The following KLHL31 variants were observed in gnomAD, a reference collection of about 807,000 sequenced individuals.
KLHL31 encodes kelch like family member 31.
KLHL31 carries 32 observed loss-of-function variants against 47.1 expected under a neutral mutation model. The observed-to-expected ratio is 0.68, with a 90% CI of 0.51 to 0.91. KLHL31 has a LOEUF of 0.91. Ranked by LOEUF, KLHL31 falls within the 40% of genes least tolerant of loss-of-function variation. The pLI is 0.00. For missense variants in KLHL31, 797 were observed against 819.3 expected (o/e 0.97, Z 0.33); for synonymous variants, 330 against 325.1 (o/e 1.01, Z -0.16).
chr6:53,664,323 G>T (rs1764688509), intron 1 of KLHL31, among the ~76,000 whole-genome samples: 1 of 152,166 alleles, frequency 6.6e-6, no homozygotes, highest in African/African-American at 2.4e-5. Flanking sequence ...ACTTGTATCT[G>T]GCATTCCTGA....
chr6:53,658,973 CT>C (rs773338878), intron 1 of KLHL31, among the ~76,000 whole-genome samples: 45 of 152,316 alleles, frequency 3.0e-4, no homozygotes, highest in Non-Finnish European at 5.7e-4. Flanking sequence ...ATAATAGTGC[CT>C]GCCTCTAGGT....
chr6:53,654,704 G>C lies in KLHL31; in HGVS notation c.569C>G (p.Ala190Gly). ...GTTATCCCGAATAAATTTCTGGGCT[G>C]CTGCTTTTGCATTTTTTAGGGAGTA... The part of the protein sequence containing the change: ...ETYSLKNAKA[A>G]AQKFIRDNFL... Residue 190 changes from alanine (A) to glycine (G), a missense_variant, in exon 2 of 3, where the codon GCA becomes GGA. Physicochemically the swap from Ala to Gly is moderately conservative, Grantham distance 60. Transcript: ENST00000370905. The C allele has an allele frequency of 6.2e-7, 1 of 1,614,198 alleles. No homozygotes were observed. The highest frequency in any genetic ancestry group is 8.5e-7 in the Non-Finnish European group (1 of 1,180,024).
At chr6:53,663,284 A>C (rs923364195) in intron 1 of KLHL31, among the ~76,000 whole-genome samples, 1 of 151,734 alleles carries the variant, frequency 6.6e-6, no homozygotes, top group African/African-American at 2.4e-5. Context: ...TATAAATTTA[A>C]AATTTTGATA....
chr6:53,652,221 T>C lies in KLHL31; in HGVS notation c.1282A>G (p.Asn428Asp), dbSNP rs746293735. Residue 428 changes from asparagine (N) to aspartate (D), a missense_variant, in exon 3 of 3, where the codon AAC becomes GAC. Transcript: ENST00000370905. Reference protein sequence around the residue: ...NGLVYAAGGRNAEGSLASLEC... With the variant: ...NGLVYAAGGRDAEGSLASLEC... Reference sequence around the variant, plus strand: ...AGCGAGGCCAGGCTTCCTTCTGCGTTGCGGCCGCCCGCGGCGTACACGAGC... The same window carrying C: ...AGCGAGGCCAGGCTTCCTTCTGCGTCGCGGCCGCCCGCGGCGTACACGAGC... 40 of 1,613,684 alleles carry C rather than the reference T, an allele frequency of 2.5e-5. No individual in the cohort carries two copies. The highest frequency in any genetic ancestry group is 3.4e-5 in the Non-Finnish European group (40 of 1,180,034).
rs3996983 is a variant in KLHL31 at position 53,651,419 on chromosome 6, A to AAAAAAAAAAAAAAAAAAT, written c.*178_*179insATTTTTTTTTTTTTTTTT. The stretch of plus-strand genomic sequence containing the variant: ...TTTGCTAAAAAAAAAAAAAAAAAAA[A>AAAAAAAAAAAAAAAAAAT]GAGGTAGATTATGCCATACCAGGAA... On this transcript the variant is annotated 3_prime_UTR_variant, in exon 3 of 3. Transcript: ENST00000370905. 5.6e-6 allele frequency: 2 copies of AAAAAAAAAAAAAAAAAAT among 358,180 alleles called. No homozygotes were observed. The highest frequency in any genetic ancestry group is 5.0e-6 in the Non-Finnish European group (1 of 201,502). 22.2% of individuals were successfully genotyped at this position (358,180 alleles called of 1,614,324 possible). A position where few individuals can be genotyped will look rare whatever the true frequency, so the allele number is the denominator to read the frequency against.
chr6:53,650,780 T>C lies in KLHL31; in HGVS notation c.*818A>G, dbSNP rs1459865960. On this transcript the variant is annotated 3_prime_UTR_variant, in exon 3 of 3. Transcript: ENST00000370905. ...CAGGGTATGTGAAATTCTTCTTTAATAGAGGACAAGGGATAAAATGCAAAT... is the reference window on the plus strand; with the variant it reads ...CAGGGTATGTGAAATTCTTCTTTAACAGAGGACAAGGGATAAAATGCAAAT... 2 of 152,174 alleles carry C rather than the reference T, an allele frequency of 1.3e-5. No homozygotes were observed. The highest frequency in any genetic ancestry group is 3.8e-4 in the East Asian group (2 of 5,196). 9.4% of individuals were successfully genotyped at this position (152,174 alleles called of 1,614,324 possible). A position where few individuals can be genotyped will look rare whatever the true frequency, so the allele number is the denominator to read the frequency against.
chr6:53,655,276 G>T lies in KLHL31; in HGVS notation c.-4C>A, dbSNP rs761897025. On this transcript the variant is annotated 5_prime_UTR_variant, in exon 2 of 3. Transcript: ENST00000370905. ...CAATCTTCTTTTTGGGTGCCATGTTGGCAAATACACTGTTACAGGCAAGAG... is the reference window on the plus strand; with the variant it reads ...CAATCTTCTTTTTGGGTGCCATGTTTGCAAATACACTGTTACAGGCAAGAG... 1 of 1,545,412 alleles carries T rather than the reference G, an allele frequency of 6.5e-7. No homozygotes were observed. Among genetic ancestry groups the T allele is most frequent in the Non-Finnish European group, 8.7e-7 (1 of 1,149,278 alleles).
intron 2 of KLHL31, among the ~76,000 whole-genome samples, chr6:53,653,313 TAC>T (rs1270716388): frequency 1.3e-5 from 2 of 152,230 alleles, no homozygotes; most frequent in Non-Finnish European, 2.9e-5. Context: ...TTAAAATGCA[TAC>T]ACACATAATG....
intron 1 of KLHL31, among the ~76,000 whole-genome samples, chr6:53,662,872 T>C (rs559641533): frequency 1.3e-5 from 2 of 152,324 alleles, no homozygotes; most frequent in South Asian, 2.1e-4. Context: ...CAGGAAACTG[T>C]TTTATGTATT....
intron 1 of KLHL31, among the ~76,000 whole-genome samples, chr6:53,657,940 T>A (rs1426893961): frequency 6.6e-6 from 1 of 152,184 alleles, no homozygotes; most frequent in Non-Finnish European, 1.5e-5. Flanking sequence ...CTTCTCATTC[T>A]TTTTTTGCAA....
At chr6:53,655,452 T>C in intron 1 of KLHL31, 147 bp from the exon 2 acceptor site, 6 of 501,498 alleles carry the variant, frequency 1.2e-5, no homozygotes, top group Non-Finnish European at 2.1e-5. Flanking sequence ...CATATTAAAC[T>C]AGATGTACAT....
intron 1 of KLHL31, among the ~76,000 whole-genome samples, chr6:53,657,610 T>TTGTG (rs57566339): frequency 0.33 from 45,111 of 138,380 alleles, 7,922 homozygotes; most frequent in South Asian, 0.41. Context: ...TGTTTTTGTT[T>TTGTG]TGTGTGTGTG....
chr6:53,661,210 T>A (rs1764640230), intron 1 of KLHL31, among the ~76,000 whole-genome samples: 1 of 152,176 alleles, frequency 6.6e-6, no homozygotes, highest in Non-Finnish European at 1.5e-5. Flanking sequence ...CGTAGTCTAG[T>A]AAGAATCAAT....
chr6:53,662,509 A>G (rs573197785), intron 1 of KLHL31, among the ~76,000 whole-genome samples: 3 of 152,314 alleles, frequency 2.0e-5, no homozygotes, highest in Admixed American at 6.5e-5. Context: ...AAGGGTCCCT[A>G]TGCTACTGGA....
Position 53,651,876 on chromosome 6 carries a change from C to T in KLHL31, c.1627G>A (p.Gly543Ser), listed in dbSNP as rs1174716995. The T allele has an allele frequency of 3.1e-6, 5 of 1,598,672 alleles. No homozygotes were observed. Among genetic ancestry groups the T allele is most frequent in the Admixed American group, 1.7e-5 (1 of 59,380 alleles). Residue 543 changes from glycine (G) to serine (S), a missense_variant, in exon 3 of 3, where the codon GGC becomes AGC. Transcript: ENST00000370905. ...LTVECYSPATGQWSYAAPLQV... is the reference protein window; with the variant it reads ...LTVECYSPATSQWSYAAPLQV... The stretch of plus-strand genomic sequence containing the variant: ...AGCGGCGCCGCGTAGCTCCACTGGC[C>T]GGTCGCGGGGCTGTAGCACTCCACG...
chr6:53,654,323 A>G lies in KLHL31; in HGVS notation c.950T>C (p.Val317Ala). 1 of 1,614,154 alleles carries G rather than the reference A, an allele frequency of 6.2e-7. No homozygotes were observed. Among genetic ancestry groups the G allele is most frequent in the Non-Finnish European group, 8.5e-7 (1 of 1,180,030 alleles). ...TGGGCGTCCCCCAACAGTGACGAGG[A>G]CTCGGCAGCCACCTCGGATTCTTGT... ...RRTRIRGGCR[V>A]LVTVGGRPGL... is the part of the protein sequence containing the mutation. The change falls in exon 2 of 3, where the codon GTC (valine) becomes GCC (alanine). Residue 317 changes from valine to alanine, a missense_variant. Val to Ala is a moderately conservative substitution (Grantham distance 64). Transcript: ENST00000370905.
rs34997452 is a variant in KLHL31, at chr6:53,653,641, C to T, written c.1172+460G>A. Among the ~76,000 whole-genome samples, 852 of 152,236 alleles carry T rather than the reference C, an allele frequency of 5.6e-3. 6 individuals are homozygous for T. Among genetic ancestry groups the T allele is most frequent in the Middle Eastern group, 6.8e-3 (2 of 294 alleles). On this transcript the variant is annotated intron_variant, in intron 2 of 2. Transcript: ENST00000370905. ...ATTTTTAATGATCTCATTCTATTTG[C>T]CAATTATGAATTTGACAGTTGTCAG... is the stretch of plus-strand genomic sequence containing the variant.
At chr6:53,665,259 C>G (rs1267651945) in intron 1 of KLHL31, among the ~76,000 whole-genome samples, 2 of 152,120 alleles carry the variant, frequency 1.3e-5, no homozygotes, top group Non-Finnish European at 2.9e-5. Context: ...CTCTCCTTCT[C>G]CTTCTCTATA....
chr6:53,665,527 C>T (rs1468330335), intron 1 of KLHL31, 74 bp downstream of exon 1: 3 of 152,360 alleles, frequency 2.0e-5, no homozygotes, highest in East Asian at 1.9e-4. Flanking sequence ...AGCCCACCCT[C>T]TCCCACCCAC....
Sources: gnomAD v4.1 joint callset for allele counts (sites outside exome capture counted in the v4.1 genomes callset) on GRCh38, gnomAD v4.1.1 for gene constraint, MANE v1.5 for transcripts, NCBI Gene and HGNC (gene_info 2026-07-23, HGNC 2026-07-21) for gene names.